The following HYI variants were observed in gnomAD, a reference collection of about 807,000 sequenced individuals.
HYI encodes the protein hydroxypyruvate isomerase (putative), also known as putative hydroxypyruvate isomerase.
A neutral mutation model predicts 39.7 loss-of-function variants in HYI; 47 were observed. That is an observed-to-expected ratio of 1.18 (90% CI 0.94 to 1.51). The LOEUF (loss-of-function observed/expected upper bound fraction) is 1.51. Among genes scored for constraint, HYI ranks in the 40% most tolerant of loss-of-function variants. The pLI, the probability that HYI is intolerant of heterozygous loss-of-function variation, is 0.00. For synonymous variants in HYI, 186 were observed against 158.8 expected (o/e 1.17, Z -1.29); for missense variants, 465 against 370.3 (o/e 1.26, Z -2.10).
rs1656655630 is a variant in HYI, at chr1:43,453,376, AG to A, written c.311+9del. On this transcript the variant is annotated intron_variant, in intron 2 of 7. Coordinates refer to ENST00000372430, the MANE Select transcript of HYI (RefSeq NM_001190880.3). ...GGTCACAGGGGTGGGGGTGGGGTGGAGCGGGGTACCTGGGACAGCCCAGGGC... is the reference window on the plus strand; with the variant it reads ...GGTCACAGGGGTGGGGGTGGGGTGGACGGGGTACCTGGGACAGCCCAGGGC... The A allele has an allele frequency of 2.0e-6, 3 of 1,515,452 alleles. No homozygotes were observed. The highest frequency in any genetic ancestry group is 2.7e-6 in the Non-Finnish European group (3 of 1,118,290). 93.9% of individuals were successfully genotyped at this position (1,515,452 alleles called of 1,614,324 possible). A position where few individuals can be genotyped will look rare whatever the true frequency, so the allele number is the denominator to read the frequency against.
intron 2 of HYI, 183 bp from the exon 3 acceptor site, chr1:43,452,502 CT>C: frequency 1.5e-6 from 1 of 686,922 alleles, no homozygotes; most frequent in Non-Finnish European, 2.7e-6. Context: ...GGGGCAAGCC[CT>C]TTCCCAGACA....
Position 43,451,214 on chromosome 1 carries a change from G to A in HYI, c.*24C>T. On this transcript the variant is annotated 3_prime_UTR_variant, in exon 8 of 8. Coordinates refer to ENST00000372430, the MANE Select transcript of HYI (RefSeq NM_001190880.3). Reference sequence around the variant, plus strand: ...GATGGGATGTCACTCGCTGTCTGGAGGCACGTGGGTGGTGTGCGGGCCCTC... The same window carrying A: ...GATGGGATGTCACTCGCTGTCTGGAAGCACGTGGGTGGTGTGCGGGCCCTC... 1 of 1,609,938 alleles carries A rather than the reference G, an allele frequency of 6.2e-7. No individual in the cohort carries two copies. The highest frequency in any genetic ancestry group is 8.5e-7 in the Non-Finnish European group (1 of 1,176,302).
At chr1:43,452,988 T>C in intron 2 of HYI, 1 of 1,586,940 alleles carries the variant, frequency 6.3e-7, no homozygotes, top group Non-Finnish European at 8.6e-7. Flanking sequence ...TTCCTGCCCA[T>C]CAAGCAATGC....
chr1:43,451,517 C>T lies in HYI; in HGVS notation c.653G>A (p.Gly218Asp). ...VGHVQVAQVP[G>D]RGEPSSPGEL... ...TCCGGGGCTGCTGGGCTCCCCTCGG[C>T]CTGGGACCTGTGCCACCTGCACATG... is the stretch of plus-strand genomic sequence containing the variant. Residue 218 changes from glycine to aspartate, a missense_variant, in exon 7 of 8, where the codon GGC becomes GAC. Transcript: ENST00000372430. The T allele has an allele frequency of 1.9e-6, 3 of 1,614,104 alleles. No homozygotes were observed.
downstream of HYI, chr1:43,450,914 C>G (rs1272602959): frequency 2.7e-6 from 2 of 747,594 alleles, no homozygotes; most frequent in South Asian, 2.7e-5. The surrounding 1 kb of genome is among the most constrained non-coding windows in gnomAD (Gnocchi z 4.3). Flanking sequence ...CACTGCTGGA[C>G]ATTCCCATCG....
Position 43,453,916 on chromosome 1 carries a change from G to A in HYI, c.-123C>T. ...CTGCGAACGAACGAGCACTGTTCGT[G>A]GTTAGAAAAGCGAAGTGCTGTAAAA... is the stretch of plus-strand genomic sequence containing the variant. On this transcript the variant is annotated 5_prime_UTR_variant, in exon 1 of 8. Transcript: ENST00000372430. 8.3e-7 allele frequency: 1 copy of A among 1,209,212 alleles called. No individual in the cohort carries two copies. The highest frequency in any genetic ancestry group is 4.1e-5 in the South Asian group (1 of 24,578). 74.9% of individuals were successfully genotyped at this position (1,209,212 alleles called of 1,614,324 possible). A position where few individuals can be genotyped will look rare whatever the true frequency, so the allele number is the denominator to read the frequency against.
At position 43,451,109 on chromosome 1, in the gene HYI, G is replaced by T; in HGVS notation, c.*129C>A. ...AGGGAAGCAGCAGAGAAACTGAAGT[G>T]TTAGACACTATGTGTCCCACCACCC... On this transcript the variant is annotated 3_prime_UTR_variant, in exon 8 of 8. Transcript: ENST00000372430. 1.1e-6 allele frequency: 1 copy of T among 935,990 alleles called. No homozygotes were observed. The allele number at this position is 935,990 out of a possible 1,614,324, so 58.0% of individuals were successfully genotyped here.
Position 43,451,866 on chromosome 1 carries a change from A to G in HYI, c.506-19T>C. 2 of 1,614,034 alleles carry G rather than the reference A, an allele frequency of 1.2e-6. No homozygotes were observed. Among genetic ancestry groups the G allele is most frequent in the Non-Finnish European group, 1.7e-6 (2 of 1,179,970 alleles). Reference sequence around the variant, plus strand: ...GCTGCCGCTGTAAGAGAAGCCAGGGAGGGGACCGTGAGCCTCAAGAGCACA... The same window carrying G: ...GCTGCCGCTGTAAGAGAAGCCAGGGGGGGGACCGTGAGCCTCAAGAGCACA... On this transcript the variant is annotated intron_variant, in intron 4 of 7. Transcript: ENST00000372430.
rs1223975818 is a variant in HYI, at chr1:43,453,758, C to T, written c.36G>A (p.Trp12Ter). Residue 12 changes from tryptophan (W) to a stop codon, truncating the protein, a stop_gained, in exon 1 of 8, where the codon TGG (tryptophan) becomes TGA (stop). Transcript: ENST00000372430. LOFTEE classifies it high-confidence loss of function. ...APLRFSANLS[W>*]LFPELSGLPA... ...GGAGGCCGGAGAGCTCGGGGAATAG[C>T]CAGGACAGATTGGCGGAGAAGCGCA... is the stretch of plus-strand genomic sequence containing the variant. 7.5e-7 allele frequency: 1 copy of T among 1,326,852 alleles called. No homozygotes were observed. Among genetic ancestry groups the T allele is most frequent in the Non-Finnish European group, 9.6e-7 (1 of 1,045,844 alleles). The allele number at this position is 1,326,852 out of a possible 1,614,324, so 82.2% of individuals were successfully genotyped here. A position where few individuals can be genotyped will look rare whatever the true frequency, so the allele number is the denominator to read the frequency against.
At chr1:43,452,485 T>C (rs538004992) in intron 2 of HYI, 166 bp from the exon 3 acceptor site, 32 of 704,906 alleles carry the variant, frequency 4.5e-5, no homozygotes, top group African/African-American at 4.4e-4. Context: ...ACTTCAGTGA[T>C]GGCTGAGGGG....
At chr1:43,453,223 CAG>C (rs1656631994) in intron 2 of HYI, 161 bp downstream of exon 2, 7 of 638,978 alleles carry the variant, frequency 1.1e-5, no homozygotes, top group East Asian at 1.1e-4. Flanking sequence ...TGGCATAAGA[CAG>C]ATAAAATACA....
chr1:43,452,931 A>G, intron 2 of HYI: 1 of 1,608,016 alleles, frequency 6.2e-7, no homozygotes, highest in South Asian at 1.1e-5. Flanking sequence ...GCTGCCAAAT[A>G]CACCAGGCCT....
At chr1:43,453,262 C>T in intron 2 of HYI, 124 bp downstream of exon 2, 2 of 685,508 alleles carry the variant, frequency 2.9e-6, no homozygotes, top group Non-Finnish European at 4.9e-6. Context: ...GGACCAGGAC[C>T]GCAGAGGCAG....
At position 43,451,191 on chromosome 1, in the gene HYI, TG is replaced by T; in HGVS notation, c.*46del. 1 of 1,533,010 alleles carries T rather than the reference TG, an allele frequency of 6.5e-7. No individual in the cohort carries two copies. Among genetic ancestry groups the T allele is most frequent in the Non-Finnish European group, 9.0e-7 (1 of 1,106,332 alleles). The allele number at this position is 1,533,010 out of a possible 1,614,324, so 95.0% of individuals were successfully genotyped here. On this transcript the variant is annotated 3_prime_UTR_variant, in exon 8 of 8. Coordinates refer to ENST00000372430, the MANE Select transcript of HYI (RefSeq NM_001190880.3). ...GTCATCTTTAATGCAGAGGAGGAGA[TG>T]GGATGTCACTCGCTGTCTGGAGGCA...
Position 43,451,681 on chromosome 1 carries a change from T to G in HYI, c.592A>C (p.Thr198Pro), listed in dbSNP as rs1366069515. 1.9e-6 allele frequency: 3 copies of G among 1,614,114 alleles called. No individual in the cohort carries two copies. In the South Asian group the frequency reaches 3.3e-5, roughly 18 times the overall value. The change falls in exon 6 of 8, where the codon ACA becomes CCA. Residue 198 changes from threonine (T) to proline (P), a missense_variant. Physicochemically the swap from Thr to Pro is conservative, Grantham distance 38. Transcript: ENST00000372430. The stretch of plus-strand genomic sequence containing the variant: ...GGCAGGAACTCCCGGATGTTTCCTG[T>G]CAGGTTCCCATCCATGATCTGCCAG... ...FHWQIMDGNL[T>P]GNIREFLPIV...
chr1:43,451,150 T>C lies in HYI; in HGVS notation c.*88A>G, dbSNP rs1557612305. On this transcript the variant is annotated 3_prime_UTR_variant, in exon 8 of 8. Coordinates refer to ENST00000372430, the MANE Select transcript of HYI (RefSeq NM_001190880.3). ...CCCACCACCCCATTACAGAGACATA[T>C]GACAATGTTCAGCAGGTCATCTTTA... 1 of 1,232,016 alleles carries C rather than the reference T, an allele frequency of 8.1e-7. No homozygotes were observed. The highest frequency in any genetic ancestry group is 1.2e-6 in the Non-Finnish European group (1 of 832,964). The allele number at this position is 1,232,016 out of a possible 1,614,324, so 76.3% of individuals were successfully genotyped here.
At chr1:43,452,889 A>G (rs1459256797) in intron 2 of HYI, 2 of 1,589,938 alleles carry the variant, frequency 1.3e-6, no homozygotes, top group Admixed American at 3.5e-5. Flanking sequence ...TCCCCATCCC[A>G]ACAGGCTACA....
At chr1:43,452,812 G>T in intron 2 of HYI, 1 of 1,367,588 alleles carries the variant, frequency 7.3e-7, no homozygotes, top group Non-Finnish European at 1.0e-6. Flanking sequence ...CCCACTTTGA[G>T]CCGTCCACCT....
chr1:43,452,813 C>T, intron 2 of HYI: 1 of 1,370,852 alleles, frequency 7.3e-7, no homozygotes, highest in Admixed American at 2.0e-5. Context: ...CCACTTTGAG[C>T]CGTCCACCTC....
Sources: gnomAD v4.1 joint callset for allele counts on GRCh38, gnomAD v4.1.1 for gene constraint, Gnocchi (gnomAD v3.1) non-coding constraint, MANE v1.5 for transcripts, NCBI Gene and HGNC (gene_info 2026-07-23, HGNC 2026-07-21) for gene names.